The following TBC1D19 variants were observed in gnomAD, a reference collection of about 807,000 sequenced individuals.
TBC1D19 encodes TBC1 domain family member 19.
TBC1D19 carries 60 observed loss-of-function variants against 89.0 expected under a neutral mutation model. The ratio of observed to expected loss-of-function variants is 0.67; its 90% CI spans 0.55 to 0.84. TBC1D19 has a LOEUF of 0.84. Ranked by LOEUF, TBC1D19 falls within the 40% of genes least tolerant of loss-of-function variation. The pLI, the probability that TBC1D19 is intolerant of heterozygous loss-of-function variation, is 0.00. For synonymous variants in TBC1D19, 189 were observed against 199.7 expected (o/e 0.95, Z 0.45); for missense variants, 500 against 610.8 (o/e 0.82, Z 1.91).
At chr4:26,848,593 C>G in the TBC1D19 span, among the ~76,000 whole-genome samples, 2 of 152,178 alleles carry the variant, frequency 1.3e-5, no homozygotes, top group Admixed American at 1.3e-4. Flanking sequence ...TAAGTTTCTA[C>G]ATGGTTATTA....
chr4:26,788,390 A>G, the TBC1D19 span, among the ~76,000 whole-genome samples: 11 of 152,196 alleles, frequency 7.2e-5, no homozygotes, highest in Admixed American at 7.2e-4. Context: ...CTCATCAGGA[A>G]GTTTGTAAAC....
intron 11 of TBC1D19, among the ~76,000 whole-genome samples, chr4:26,680,640 C>T (rs1713253701): frequency 1.3e-5 from 2 of 152,096 alleles, no homozygotes; most frequent in Admixed American, 6.5e-5. Flanking sequence ...TGATTGTAGT[C>T]TGACATACAC....
intron 14 of TBC1D19, among the ~76,000 whole-genome samples, chr4:26,719,768 G>T (rs1716858211): frequency 6.6e-6 from 1 of 152,064 alleles, no homozygotes; most frequent in South Asian, 2.1e-4. Flanking sequence ...TTTGTAATTA[G>T]CAAAACAATT....
At chr4:26,855,892 G>A in the TBC1D19 span, among the ~76,000 whole-genome samples, 4 of 152,186 alleles carry the variant, frequency 2.6e-5, no homozygotes, top group African/African-American at 9.7e-5. Context: ...TATTTATGGA[G>A]TACAATGTTT....
At chr4:26,641,810 A>G (rs1743561161) in intron 7 of TBC1D19, among the ~76,000 whole-genome samples, 1 of 152,252 alleles carries the variant, frequency 6.6e-6, no homozygotes, top group Non-Finnish European at 1.5e-5. Flanking sequence ...GATTCGATCA[A>G]CTGGAAGAAA....
intron 13 of TBC1D19, 26 bp from the exon 14 acceptor site, chr4:26,717,907 T>A: frequency 6.4e-7 from 1 of 1,568,976 alleles, no homozygotes; most frequent in Non-Finnish European, 8.8e-7. Flanking sequence ...GCTTAATTGC[T>A]ATTTTTTTTC....
At chr4:26,579,899 A>T (rs560581662), upstream of TBC1D19, among the ~76,000 whole-genome samples, 6 of 152,268 alleles carry the variant, frequency 3.9e-5, no homozygotes, top group South Asian at 1.2e-3. Context: ...TAAGCCAGGG[A>T]GGGAAAGTCA....
chr4:26,799,997 T>A, the TBC1D19 span, among the ~76,000 whole-genome samples: 1 of 152,192 alleles, frequency 6.6e-6, no homozygotes, highest in African/African-American at 2.4e-5. Context: ...CATTTACATT[T>A]CTTTTTTTAA....
At position 26,707,668 on chromosome 4, in the gene TBC1D19, A is replaced by C. The variant is rs556273568; in HGVS notation, c.955-10265A>C. Among the ~76,000 whole-genome samples the C allele has an allele frequency of 8.6e-5, 13 of 151,706 alleles. No homozygotes were observed. In the South Asian group the frequency reaches 1.0e-3, roughly 12 times the overall value. ...GGTTTTTGTGTGTGTGTGTAGTGAA[A>C]TGTTTACATTTCTTTCTCATTTTCT... On this transcript the variant is annotated intron_variant, in intron 13 of 20. Coordinates refer to ENST00000264866, the MANE Select transcript of TBC1D19 (RefSeq NM_018317.4).
chr4:26,852,180 A>G, the TBC1D19 span, among the ~76,000 whole-genome samples: 2 of 152,180 alleles, frequency 1.3e-5, no homozygotes, highest in Non-Finnish European at 2.9e-5. Context: ...TGGCAACTCC[A>G]TTCTTCCAGT....
chr4:26,613,017 G>C, intron 1 of TBC1D19, 152 bp from the exon 2 acceptor site: 1 of 566,540 alleles, frequency 1.8e-6, no homozygotes, highest in South Asian at 2.3e-5. Flanking sequence ...ATAGTTCTAA[G>C]CTCTATCTTC....
At chr4:26,639,850 T>A (rs569155611) in intron 6 of TBC1D19, among the ~76,000 whole-genome samples, 5 of 152,348 alleles carry the variant, frequency 3.3e-5, no homozygotes, top group African/African-American at 1.2e-4. Context: ...AGAATTCTCA[T>A]ATAGTACCTT....
chr4:26,855,823 T>A, the TBC1D19 span, among the ~76,000 whole-genome samples: 1 of 152,268 alleles, frequency 6.6e-6, no homozygotes, highest in Non-Finnish European at 1.5e-5. Context: ...TCCTGCCTCA[T>A]AATTCACAGA....
chr4:26,616,389 A>G (rs1005416113), intron 3 of TBC1D19, among the ~76,000 whole-genome samples: 2 of 152,216 alleles, frequency 1.3e-5, no homozygotes, highest in Non-Finnish European at 2.9e-5. Flanking sequence ...CAAGAATGTT[A>G]CAGTAATGGA....
At chr4:26,647,864 C>T (rs1305583004) in intron 7 of TBC1D19, among the ~76,000 whole-genome samples, 2 of 152,026 alleles carry the variant, frequency 1.3e-5, no homozygotes, top group Non-Finnish European at 2.9e-5. Context: ...TTCACTGGCT[C>T]TTCTGCTTGG....
exon 1 of TBC1D19, chr4:26,576,690 A>T (rs1738981646): frequency 2.2e-6 from 1 of 455,978 alleles, no homozygotes; most frequent in Non-Finnish European, 4.4e-6. Context: ...TCAGCAGAGA[A>T]TTCACGGACA....
At chr4:26,754,005 C>T (rs1398535632) in intron 20 of TBC1D19, 115 bp downstream of exon 20, 13 of 1,011,566 alleles carry the variant, frequency 1.3e-5, no homozygotes, top group Admixed American at 4.0e-5. Context: ...TTTTTTAACT[C>T]GGGTAAAACC....
chr4:26,576,991 T>C (rs2109917246), intron 1 of TBC1D19, among the ~76,000 whole-genome samples: 1 of 152,310 alleles, frequency 6.6e-6, no homozygotes, highest in South Asian at 2.1e-4. Context: ...TCAGTTGACT[T>C]CAAGTAAAAC....
At chr4:26,786,443 G>A in the TBC1D19 span, among the ~76,000 whole-genome samples, 1 of 152,108 alleles carries the variant, frequency 6.6e-6, no homozygotes, top group African/African-American at 2.4e-5. Flanking sequence ...GACCATCCTG[G>A]CCAACACGGT....
Sources: allele counts gnomAD v4.1 joint callset (sites outside exome capture counted in the v4.1 genomes callset), GRCh38; gene constraint gnomAD v4.1.1; transcripts MANE v1.5; gene names NCBI Gene and HGNC (gene_info 2026-07-23, HGNC 2026-07-21).